MACROD2: variants seen among roughly 807,000 people sequenced by gnomAD.
The protein encoded by MACROD2 is ADP-ribose glycohydrolase MACROD2.
Under a neutral mutation model 70.4 loss-of-function variants are expected in MACROD2, and 36 were observed. The observed-to-expected ratio is 0.51, with a 90% CI of 0.39 to 0.68. The LOEUF (loss-of-function observed/expected upper bound fraction) is 0.68, where lower values mean the gene tolerates loss of function less well. Ranked by LOEUF, MACROD2 falls within the 30% of genes least tolerant of loss-of-function variation. The pLI, the probability that MACROD2 is intolerant of heterozygous loss-of-function variation, is 0.00. For synonymous variants in MACROD2, 172 were observed against 178.8 expected, an observed-to-expected ratio of 0.96 and a Z score of 0.30; for missense variants, 496 against 538.4, an observed-to-expected ratio of 0.92 and a Z score of 0.78.
At chr20:14,580,091 G>T (rs1980909163) in intron 4 of MACROD2, among the ~76,000 whole-genome samples, 1 of 152,120 alleles carries the variant, frequency 6.6e-6, no homozygotes, top group Non-Finnish European at 1.5e-5. Flanking sequence ...TTCAAAGCAG[G>T]TTGATTAGAG....
chr20:15,405,455 C>G (rs1030102672), intron 6 of MACROD2, among the ~76,000 whole-genome samples: 2 of 152,126 alleles, frequency 1.3e-5, no homozygotes, highest in Admixed American at 1.3e-4. Flanking sequence ...GGCCCAGCCT[C>G]CAGGAGCAAT....
intron 3 of MACROD2, among the ~76,000 whole-genome samples, chr20:14,253,848 G>A (rs1471802347): frequency 2.6e-5 from 4 of 152,032 alleles, no homozygotes; most frequent in African/African-American, 7.2e-5. Flanking sequence ...AGATACAGAC[G>A]TGCATTTATT....
intron 4 of MACROD2, among the ~76,000 whole-genome samples, chr20:14,573,070 T>C (rs915271332): frequency 3.9e-5 from 6 of 152,046 alleles, no homozygotes; most frequent in Middle Eastern, 3.4e-3. Context: ...TTTTTCCCTT[T>C]TGCATAGTGT....
At chr20:14,304,546 T>A (rs562642202) in intron 3 of MACROD2, among the ~76,000 whole-genome samples, 1 of 152,328 alleles carries the variant, frequency 6.6e-6, no homozygotes, top group South Asian at 2.1e-4. Flanking sequence ...CATTATACAT[T>A]GATGAATTCC....
At chr20:14,547,714 AACTT>A (rs1321051272) in intron 4 of MACROD2, 1 of 152,272 alleles carries the variant, frequency 6.6e-6, no homozygotes, top group African/African-American at 2.4e-5. Flanking sequence ...GGCTTAAAAC[AACTT>A]ACTATTTCCC....
chr20:16,022,592 A>G (rs1036593371), intron 15 of MACROD2, among the ~76,000 whole-genome samples: 3 of 152,180 alleles, frequency 2.0e-5, no homozygotes, highest in African/African-American at 7.2e-5. Context: ...TACAGCTGGT[A>G]AGATGTCTGG....
At chr20:15,196,221 G>T (rs1195666056) in intron 5 of MACROD2, among the ~76,000 whole-genome samples, 1 of 151,376 alleles carries the variant, frequency 6.6e-6, no homozygotes, top group Non-Finnish European at 1.5e-5. Context: ...TGCATATCCT[G>T]CATGTGTACC....
chr20:15,698,208 G>A (rs2050404894), intron 8 of MACROD2, among the ~76,000 whole-genome samples: 1 of 152,060 alleles, frequency 6.6e-6, no homozygotes, highest in African/African-American at 2.4e-5. Context: ...GTTTTGATAT[G>A]GTTCCAGGAT....
At chr20:14,860,112 C>T (rs750262295) in intron 5 of MACROD2, among the ~76,000 whole-genome samples, 3 of 152,066 alleles carry the variant, frequency 2.0e-5, no homozygotes, top group Non-Finnish European at 2.9e-5. Flanking sequence ...GAATAAATCT[C>T]ATAGCAGGAG....
At chr20:14,462,897 T>A (rs1022016732) in intron 3 of MACROD2, among the ~76,000 whole-genome samples, 1 of 152,022 alleles carries the variant, frequency 6.6e-6, no homozygotes, top group Admixed American at 6.6e-5. Context: ...GGTCTATATC[T>A]CTGTTTTGGT....
intron 6 of MACROD2, among the ~76,000 whole-genome samples, chr20:15,409,242 A>G (rs868180396): frequency 6.6e-6 from 1 of 152,144 alleles, no homozygotes; most frequent in African/African-American, 2.4e-5. Context: ...TTAAATTACA[A>G]TGATTGAGCA....
At chr20:15,191,994 A>T (rs2076574667) in intron 5 of MACROD2, among the ~76,000 whole-genome samples, 1 of 151,428 alleles carries the variant, frequency 6.6e-6, no homozygotes, top group African/African-American at 2.4e-5. Context: ...ATATAACTAT[A>T]TGTGCCCTCT....
At chr20:14,515,764 G>A (rs1327075883) in intron 4 of MACROD2, among the ~76,000 whole-genome samples, 1 of 151,778 alleles carries the variant, frequency 6.6e-6, no homozygotes, top group Non-Finnish European at 1.5e-5. Context: ...TTAGACTGGA[G>A]GAATAAGTTT....
intron 4 of MACROD2, among the ~76,000 whole-genome samples, chr20:14,640,091 A>G (rs1484837279): frequency 6.6e-6 from 1 of 152,226 alleles, no homozygotes; most frequent in African/African-American, 2.4e-5. Context: ...GATAAAGTGC[A>G]AAAACTTACT....
At chr20:15,164,558 T>G (rs905977002) in intron 5 of MACROD2, among the ~76,000 whole-genome samples, 1 of 152,102 alleles carries the variant, frequency 6.6e-6, no homozygotes, top group Non-Finnish European at 1.5e-5. Context: ...CATGCTATAT[T>G]AGAAAAAATA....
rs1244507847 is a variant in MACROD2 at position 15,306,490 on chromosome 20, G to T, written c.540+76429G>T. 2.0e-5 allele frequency among the ~76,000 whole-genome samples: 3 copies of T among 152,096 alleles called. No homozygotes were observed. In the East Asian group the frequency reaches 5.8e-4, roughly 29 times the overall value. On this transcript the variant is annotated intron_variant, in intron 6 of 17. Coordinates refer to ENST00000684519, the MANE Select transcript of MACROD2 (RefSeq NM_001351661.2). Reference sequence around the variant, plus strand: ...TTACAGAAATGTAGACAACTAATTTGCCCAAAGTATCATAGGTGTTTAAGG... The same window carrying T: ...TTACAGAAATGTAGACAACTAATTTTCCCAAAGTATCATAGGTGTTTAAGG...
intron 7 of MACROD2, among the ~76,000 whole-genome samples, chr20:15,473,220 G>A (rs6034197): frequency 0.32 from 49,320 of 152,040 alleles, 9,827 homozygotes; most frequent in African/African-American, 0.57. Context: ...ACAATATATG[G>A]CATGGTCCTT....
intron 6 of MACROD2, among the ~76,000 whole-genome samples, chr20:15,377,137 G>A (rs28642202): frequency 0.022 from 3,370 of 152,166 alleles, 114 homozygotes; most frequent in African/African-American, 0.077. Flanking sequence ...TGATCCGCCC[G>A]CTTCGGCCTC....
chr20:15,349,116 G>A (rs1272544779), intron 6 of MACROD2, among the ~76,000 whole-genome samples: 1 of 151,780 alleles, frequency 6.6e-6, no homozygotes, highest in Non-Finnish European at 1.5e-5. Flanking sequence ...TTTTTAACTT[G>A]GCCTTCATAT....
Sources: gnomAD v4.1 joint callset for allele counts (sites outside exome capture counted in the v4.1 genomes callset) on GRCh38, gnomAD v4.1.1 for gene constraint, MANE v1.5 for transcripts, NCBI Gene and HGNC (gene_info 2026-07-23, HGNC 2026-07-21) for gene names.